Variants in PKP1 observed in about 807,000 individuals in gnomAD.
PKP1 encodes the protein plakophilin-1.
PKP1 carries 27 observed loss-of-function variants against 76.4 expected under a neutral mutation model. That is an observed-to-expected ratio of 0.35 (90% CI 0.26 to 0.49). The LOEUF (loss-of-function observed/expected upper bound fraction) is 0.49, where lower values mean the gene tolerates loss of function less well. Among genes scored for constraint, PKP1 ranks in the 20% least tolerant of loss-of-function variants. PKP1 has a pLI of 0.99. For missense variants in PKP1, 964 were observed against 955.2 expected (o/e 1.01, Z -0.12); for synonymous variants, 404 against 384.2 (o/e 1.05, Z -0.60).
intron 10 of PKP1, 29 bp from the exon 11 acceptor site, chr1:201,324,912 C>T: frequency 6.2e-7 from 1 of 1,606,376 alleles, no homozygotes; most frequent in South Asian, 1.1e-5. Context: ...GTCATCCTGA[C>T]CCTGTGCCCC....
At chr1:201,295,362 G>T (rs1045861368) in intron 2 of PKP1, among the ~76,000 whole-genome samples, 2 of 152,076 alleles carry the variant, frequency 1.3e-5, no homozygotes. Flanking sequence ...TACTTCCCTC[G>T]CTTTTTTCCT....
At chr1:201,326,344 C>T (rs1657126954) in intron 12 of PKP1, among the ~76,000 whole-genome samples, 1 of 152,222 alleles carries the variant, frequency 6.6e-6, no homozygotes, top group African/African-American at 2.4e-5. Context: ...GCTGAGAAGC[C>T]TGGAGGCTGC....
At chr1:201,326,302 C>T (rs1657126163) in intron 12 of PKP1, among the ~76,000 whole-genome samples, 1 of 152,228 alleles carries the variant, frequency 6.6e-6, no homozygotes, top group Non-Finnish European at 1.5e-5. Flanking sequence ...CAAAGCAGCA[C>T]CAAAGCTCAC....
intron 8 of PKP1, among the ~76,000 whole-genome samples, chr1:201,322,661 G>A (rs1200996074): frequency 1.3e-5 from 2 of 152,202 alleles, no homozygotes; most frequent in Admixed American, 6.5e-5. Context: ...GAGTCTGGAA[G>A]AGGAGGAAGC....
chr1:201,304,187 CG>C (rs1656310835), intron 2 of PKP1, among the ~76,000 whole-genome samples: 1 of 152,306 alleles, frequency 6.6e-6, no homozygotes, highest in South Asian at 2.1e-4. Context: ...GGGGTGCTCA[CG>C]GGTAGCCAGG....
Position 201,283,628 on chromosome 1 carries a change from G to C in PKP1, c.-75G>C, listed in dbSNP as rs750860726. On this transcript the variant is annotated 5_prime_UTR_variant, in exon 1 of 14. Transcript: ENST00000367324. The stretch of plus-strand genomic sequence containing the variant: ...GAGCGAGAAGAGCACGCTCCTGCCC[G>C]CCCGCTGCACCGCACCTCGCCTCGC... 7.5e-7 allele frequency: 1 copy of C among 1,326,768 alleles called. No homozygotes were observed. Among genetic ancestry groups the C allele is most frequent in the Non-Finnish European group, 1.1e-6 (1 of 941,120 alleles). 82.2% of individuals were successfully genotyped at this position (1,326,768 alleles called of 1,614,324 possible).
intron 12 of PKP1, among the ~76,000 whole-genome samples, chr1:201,327,509 T>A (rs1359016506): frequency 6.6e-6 from 1 of 152,160 alleles, no homozygotes; most frequent in East Asian, 1.9e-4. Context: ...AACTGCCAGA[T>A]AGACAAAGGG....
At chr1:201,312,429 A>G (rs1161208179) in intron 2 of PKP1, among the ~76,000 whole-genome samples, 5 of 152,162 alleles carry the variant, frequency 3.3e-5, no homozygotes, top group African/African-American at 1.2e-4. Flanking sequence ...TCCTTTCCTC[A>G]CCGAGTGACT....
At chr1:201,284,863 C>G (rs961424804) in intron 1 of PKP1, among the ~76,000 whole-genome samples, 1 of 152,106 alleles carries the variant, frequency 6.6e-6, no homozygotes, top group Non-Finnish European at 1.5e-5. Flanking sequence ...ACCCCCTCCT[C>G]CAGCCTCTGA....
intron 10 of PKP1, 24 bp downstream of exon 10, chr1:201,324,605 C>G (rs186386102): frequency 3.0e-5 from 48 of 1,613,544 alleles, no homozygotes; most frequent in Middle Eastern, 1.7e-4. Flanking sequence ...CTCTCCTCCC[C>G]CTCTAGCTAA....
chr1:201,308,511 G>A (rs754330930), intron 2 of PKP1, among the ~76,000 whole-genome samples: 1 of 152,210 alleles, frequency 6.6e-6, no homozygotes, highest in Non-Finnish European at 1.5e-5. Flanking sequence ...TCCAACTCTG[G>A]TCATTATGGA....
chr1:201,291,214 T>C (rs1287255399), intron 1 of PKP1, among the ~76,000 whole-genome samples: 1 of 152,114 alleles, frequency 6.6e-6, no homozygotes, highest in East Asian at 1.9e-4. Context: ...GGTGTGATGT[T>C]ACCCTCATTC....
intron 2 of PKP1, among the ~76,000 whole-genome samples, chr1:201,306,846 T>TG (rs550937260): frequency 0.025 from 774 of 30,692 alleles, 7 homozygotes; most frequent in African/African-American, 0.04. Context: ...GGCTACTTTT[T>TG]GTTTTTTTTG....
Position 201,313,352 on chromosome 1 carries a change from G to C in PKP1, c.493G>C (p.Gly165Arg), listed in dbSNP as rs776572497. The C allele has an allele frequency of 1.9e-6, 3 of 1,584,948 alleles. No homozygotes were observed. The Admixed American group carries it at 5.4e-5, about 29-fold the overall frequency. The change falls in exon 3 of 14, where the codon GGC becomes CGC. Residue 165 changes from glycine (G) to arginine (R), a missense_variant. Transcript: ENST00000367324. Reference protein sequence around the residue: ...SEPDLYCDPRGTLRKGTLGSK... With the variant: ...SEPDLYCDPRRTLRKGTLGSK... ...GCCCGACCTCTACTGTGACCCACGG[G>C]GCACCCTGCGCAAGGGCACGCTGGG... is the stretch of plus-strand genomic sequence containing the variant.
chr1:201,299,925 T>A (rs1656175925), intron 2 of PKP1, among the ~76,000 whole-genome samples: 1 of 152,234 alleles, frequency 6.6e-6, no homozygotes, highest in African/African-American at 2.4e-5. Flanking sequence ...GGGCCTCTCG[T>A]CTTTTCTTGA....
intron 2 of PKP1, among the ~76,000 whole-genome samples, chr1:201,295,221 G>A (rs1276352979): frequency 6.6e-6 from 1 of 152,018 alleles, no homozygotes; most frequent in Non-Finnish European, 1.5e-5. Context: ...TATAAGTTTG[G>A]TGTTCTTTTG....
chr1:201,303,595 A>G (rs1293523222), intron 2 of PKP1, among the ~76,000 whole-genome samples: 1 of 152,224 alleles, frequency 6.6e-6, no homozygotes, highest in African/African-American at 2.4e-5. Flanking sequence ...CCTGGCAGAA[A>G]AGTTTTATTT....
At chr1:201,295,051 G>T (rs1441084892) in intron 2 of PKP1, among the ~76,000 whole-genome samples, 1 of 152,036 alleles carries the variant, frequency 6.6e-6, no homozygotes, top group African/African-American at 2.4e-5. Flanking sequence ...ATTGTCAGAT[G>T]GGGATTAAAG....
At chr1:201,324,880 C>T in intron 10 of PKP1, 61 bp from the exon 11 acceptor site, 1 of 1,496,006 alleles carries the variant, frequency 6.7e-7, no homozygotes, top group Non-Finnish European at 9.2e-7. Context: ...CCAGAGGGAA[C>T]CCCTCAGCCC....
Sources: gnomAD v4.1 joint callset for allele counts (sites outside exome capture counted in the v4.1 genomes callset) on GRCh38, gnomAD v4.1.1 for gene constraint, MANE v1.5 for transcripts, NCBI Gene and HGNC (gene_info 2026-07-23, HGNC 2026-07-21) for gene names.